The following ANKS1B variants were observed in gnomAD, a reference collection of about 807,000 sequenced individuals.
The protein encoded by ANKS1B is ankyrin repeat and sterile alpha motif domain-containing protein 1B.
ANKS1B carries 36 observed loss-of-function variants against 148.3 expected under a neutral mutation model. The observed-to-expected ratio is 0.24, with a 90% CI of 0.19 to 0.32. The LOEUF (loss-of-function observed/expected upper bound fraction) is 0.32, where lower values mean the gene tolerates loss of function less well. Ranked by LOEUF, ANKS1B falls within the 10% of genes least tolerant of loss-of-function variation. ANKS1B has a pLI of 1.00. For synonymous variants in ANKS1B, 542 were observed against 560.8 expected, an observed-to-expected ratio of 0.97 and a Z score of 0.47; for missense variants, 1,157 against 1,542.6, an observed-to-expected ratio of 0.75 and a Z score of 4.19.
At chr12:99,611,731 GA>G (rs2097904272) in intron 9 of ANKS1B, among the ~76,000 whole-genome samples, 1 of 151,992 alleles carries the variant, frequency 6.6e-6, no homozygotes, top group Non-Finnish European at 1.5e-5. Flanking sequence ...GCAGGCATTC[GA>G]GGCAGAATCC....
At chr12:98,811,443 C>T (rs965471382) in intron 19 of ANKS1B, among the ~76,000 whole-genome samples, 2 of 152,158 alleles carry the variant, frequency 1.3e-5, no homozygotes, top group Non-Finnish European at 2.9e-5. Flanking sequence ...GCATCCCTCC[C>T]CAAGACTCTC....
At chr12:99,664,273 CTTT>C (rs763419316) in intron 8 of ANKS1B, among the ~76,000 whole-genome samples, 3 of 151,482 alleles carry the variant, frequency 2.0e-5, no homozygotes, top group Non-Finnish European at 2.9e-5. Flanking sequence ...AAGTTTACTT[CTTT>C]GTTTTAAAAT....
intron 17 of ANKS1B, among the ~76,000 whole-genome samples, chr12:98,948,147 T>C (rs552475725): frequency 6.6e-6 from 1 of 152,360 alleles, no homozygotes; most frequent in East Asian, 1.9e-4. Flanking sequence ...TTTGTTGCTG[T>C]AATTGCCACC....
chr12:99,095,118 G>C (rs1332123153), intron 15 of ANKS1B, among the ~76,000 whole-genome samples: 1 of 152,072 alleles, frequency 6.6e-6, no homozygotes, highest in African/African-American at 2.4e-5. Context: ...AATAGTCTTT[G>C]ATAAAGGTTC....
At chr12:98,895,011 G>GGCGGCGCT in intron 17 of ANKS1B, 1 of 735,676 alleles carries the variant, frequency 1.4e-6, no homozygotes, top group Non-Finnish European at 1.7e-6. Context: ...GCGGCGGCGC[G>GGCGGCGCT]TCCTCCCCCG....
chr12:99,190,683 A>C (rs549629181), intron 14 of ANKS1B, among the ~76,000 whole-genome samples: 1 of 152,210 alleles, frequency 6.6e-6, no homozygotes, highest in Non-Finnish European at 1.5e-5. Context: ...CACCTTATAC[A>C]AAAATTAACT....
chr12:99,665,319 T>A lies in ANKS1B; in HGVS notation c.1129-10109A>T, dbSNP rs550364944. ...GGGTATGCATGTAGAGTTATCGCAA[T>A]AGTATGTAGTTATCAAATGGTATGT... On this transcript the variant is annotated intron_variant, in intron 8 of 26. Transcript: ENST00000683438. 8.5e-4 allele frequency among the ~76,000 whole-genome samples: 129 copies of A among 152,314 alleles called. 2 individuals are homozygous for A. The highest frequency in any genetic ancestry group is 3.4e-3 in the Middle Eastern group (1 of 294).
chr12:99,155,267 A>G (rs1034493060), intron 14 of ANKS1B, among the ~76,000 whole-genome samples: 2 of 152,128 alleles, frequency 1.3e-5, no homozygotes, highest in African/African-American at 2.4e-5. Context: ...GAAGCTTTGC[A>G]GTGTTTGGAG....
chr12:99,476,063 GAAGA>G (rs2096314219), intron 10 of ANKS1B, among the ~76,000 whole-genome samples: 1 of 152,112 alleles, frequency 6.6e-6, no homozygotes, highest in African/African-American at 2.4e-5. Context: ...AAGAAACCTA[GAAGA>G]AAGAAAGAAA....
intron 12 of ANKS1B, among the ~76,000 whole-genome samples, chr12:99,348,695 C>T (rs1242222037): frequency 2.0e-5 from 3 of 151,828 alleles, no homozygotes; most frequent in Non-Finnish European, 4.4e-5. Flanking sequence ...TTAAGCAAAG[C>T]TATCCTTTAA....
At chr12:99,136,726 T>C (rs1038887465) in intron 15 of ANKS1B, among the ~76,000 whole-genome samples, 13 of 152,216 alleles carry the variant, frequency 8.5e-5, no homozygotes, top group African/African-American at 3.1e-4. Context: ...TATTTGCTTT[T>C]GGAGAGTGGG....
intron 8 of ANKS1B, among the ~76,000 whole-genome samples, chr12:99,737,772 G>T (rs2059748069): frequency 6.6e-6 from 1 of 151,766 alleles, no homozygotes; most frequent in Non-Finnish European, 1.5e-5. Flanking sequence ...TCTTTCTCAA[G>T]TTCTTAGATC....
intron 17 of ANKS1B, among the ~76,000 whole-genome samples, chr12:98,961,754 G>A (rs1484889100): frequency 6.6e-6 from 1 of 151,720 alleles, no homozygotes; most frequent in Admixed American, 6.6e-5. Context: ...CAGTGGGGGG[G>A]AATGAAGTTA....
At chr12:99,183,926 A>G (rs1404962349) in intron 14 of ANKS1B, among the ~76,000 whole-genome samples, 5 of 152,196 alleles carry the variant, frequency 3.3e-5, no homozygotes, top group Non-Finnish European at 5.9e-5. Context: ...AAAGGAGGTT[A>G]ATGACAATAT....
intron 1 of ANKS1B, among the ~76,000 whole-genome samples, chr12:99,980,386 T>C (rs1442454619): frequency 6.6e-6 from 1 of 152,056 alleles, no homozygotes; most frequent in Non-Finnish European, 1.5e-5. Context: ...CACTCAAAGA[T>C]GAATACTATC....
At chr12:98,776,112 G>A (rs537108638) in intron 24 of ANKS1B, among the ~76,000 whole-genome samples, 2 of 152,224 alleles carry the variant, frequency 1.3e-5, no homozygotes, top group Non-Finnish European at 2.9e-5. Flanking sequence ...CCATCACTCT[G>A]CATTGTCTAC....
At chr12:99,772,468 T>C (rs545032408) in intron 8 of ANKS1B, among the ~76,000 whole-genome samples, 17 of 152,260 alleles carry the variant, frequency 1.1e-4, no homozygotes, top group African/African-American at 3.8e-4. Context: ...TATAAAAATA[T>C]GCAGACTGAA....
chr12:99,029,048 C>T (rs2099950476), intron 17 of ANKS1B, among the ~76,000 whole-genome samples: 1 of 152,152 alleles, frequency 6.6e-6, no homozygotes, highest in Non-Finnish European at 1.5e-5. Flanking sequence ...AGAGAAAAAT[C>T]TAAACTGAGA....
chr12:99,636,454 C>T (rs1205959039), intron 9 of ANKS1B, among the ~76,000 whole-genome samples: 3 of 152,140 alleles, frequency 2.0e-5, no homozygotes, highest in Non-Finnish European at 4.4e-5. Context: ...ACTCATACCT[C>T]AGTGAAGCTT....
Sources: gnomAD v4.1 joint callset for allele counts (sites outside exome capture counted in the v4.1 genomes callset) on GRCh38, gnomAD v4.1.1 for gene constraint, MANE v1.5 for transcripts, NCBI Gene and HGNC (gene_info 2026-07-23, HGNC 2026-07-21) for gene names.